Variants in STK3 observed in about 807,000 individuals in gnomAD.
STK3 encodes the protein serine/threonine-protein kinase 3.
STK3 carries 41 observed loss-of-function variants against 58.0 expected under a neutral mutation model. The observed-to-expected ratio is 0.71, with a 90% CI of 0.55 to 0.92. The LOEUF (loss-of-function observed/expected upper bound fraction) is 0.92, where lower values mean the gene tolerates loss of function less well. Among genes scored for constraint, STK3 ranks in the 40% least tolerant of loss-of-function variants. The pLI is 0.00. For missense variants in STK3, 479 were observed against 602.7 expected (o/e 0.79, Z 2.15); for synonymous variants, 170 against 191.0 (o/e 0.89, Z 0.91).
At chr8:98,908,943 G>A (rs1298036549) in intron 1 of STK3, among the ~76,000 whole-genome samples, 1 of 151,766 alleles carries the variant, frequency 6.6e-6, no homozygotes, top group African/African-American at 2.4e-5. Context: ...ATCACTTGAG[G>A]TCAGGAGTTC....
chr8:98,825,655 C>T lies in STK3; in HGVS notation c.-115G>A. On this transcript the variant is annotated 5_prime_UTR_variant, in exon 1 of 11. Coordinates refer to ENST00000419617, the MANE Select transcript of STK3 (RefSeq NM_006281.4). ...ACCACAGAGGGAAACTCTGGGAACTCGGACCAACTTTCCCGTAACTCCGCG... is the reference window on the plus strand; with the variant it reads ...ACCACAGAGGGAAACTCTGGGAACTTGGACCAACTTTCCCGTAACTCCGCG... The T allele has an allele frequency of 1.7e-6, 2 of 1,196,412 alleles. No individual in the cohort carries two copies. Among genetic ancestry groups the T allele is most frequent in the Non-Finnish European group, 2.1e-6 (2 of 953,414 alleles). 74.1% of individuals were successfully genotyped at this position (1,196,412 alleles called of 1,614,324 possible).
At chr8:98,551,666 C>T (rs1007359220) in intron 8 of STK3, among the ~76,000 whole-genome samples, 2 of 152,120 alleles carry the variant, frequency 1.3e-5, no homozygotes, top group African/African-American at 2.4e-5. Context: ...CACAGACTGG[C>T]GCACAAGGAT....
chr8:98,617,640 G>A (rs185274299), intron 6 of STK3, among the ~76,000 whole-genome samples: 3,572 of 151,868 alleles, frequency 0.024, 130 homozygotes, highest in African/African-American at 0.08. Context: ...TATCACCACC[G>A]ATCCCACAGA....
At chr8:98,423,136 T>G (rs1402767891) in intron 3 of STK3, among the ~76,000 whole-genome samples, 1 of 152,188 alleles carries the variant, frequency 6.6e-6, no homozygotes, top group Non-Finnish European at 1.5e-5. Flanking sequence ...GCCAAGACTC[T>G]GGCAGGCACA....
chr8:98,765,943 T>C (rs2131437222), intron 3 of STK3, among the ~76,000 whole-genome samples: 1 of 152,358 alleles, frequency 6.6e-6, no homozygotes, highest in African/African-American at 2.4e-5. Context: ...CTATCCAACC[T>C]CATTTCATTC....
chr8:98,406,521 C>A (rs1817994413), intron 3 of STK3, among the ~76,000 whole-genome samples: 1 of 152,140 alleles, frequency 6.6e-6, no homozygotes, highest in Admixed American at 6.5e-5. Flanking sequence ...ATTGTAATGT[C>A]TAGCTAGCAC....
chr8:98,657,280 T>C (rs1821623754), intron 6 of STK3, among the ~76,000 whole-genome samples: 1 of 152,016 alleles, frequency 6.6e-6, no homozygotes, highest in South Asian at 2.1e-4. Flanking sequence ...CAAACAACCC[T>C]TCGAGATAGT....
Position 98,596,015 on chromosome 8 carries a change from G to C in STK3, c.822+17C>G. ...GTATGAAGAAAATATCCTTCCCTTC[G>C]AGGCACAAGCACTGACCTGTAAAAG... On this transcript the variant is annotated intron_variant, in intron 7 of 10. Transcript: ENST00000419617. The C allele has an allele frequency of 6.2e-7, 1 of 1,601,998 alleles. No homozygotes were observed. The highest frequency in any genetic ancestry group is 1.7e-5 in the Admixed American group (1 of 59,606).
In STK3 at chr8:98,580,134, A is replaced by G. The variant is rs190934405; in HGVS notation, c.823-345T>C. Reference sequence around the variant, plus strand: ...TAGGATTACAGATTATATTACACATAGAAATAAACTTATTTTGGTACTGAG... The same window carrying G: ...TAGGATTACAGATTATATTACACATGGAAATAAACTTATTTTGGTACTGAG... On this transcript the variant is annotated intron_variant, in intron 7 of 10. Coordinates refer to ENST00000419617, the MANE Select transcript of STK3 (RefSeq NM_006281.4). Among the ~76,000 whole-genome samples, 534 of 152,338 alleles carry G rather than the reference A, an allele frequency of 3.5e-3. 1 individual carries two copies. Among genetic ancestry groups the G allele is most frequent in the Non-Finnish European group, 4.7e-3 (318 of 68,014 alleles).
chr8:98,695,740 G>A (rs189365361), intron 6 of STK3, among the ~76,000 whole-genome samples: 2,765 of 152,130 alleles, frequency 0.018, 101 homozygotes, highest in African/African-American at 0.062. Context: ...TGCTGTTTTG[G>A]TACCAGTACC....
At chr8:98,731,107 T>C (rs931696594) in intron 4 of STK3, among the ~76,000 whole-genome samples, 12 of 152,174 alleles carry the variant, frequency 7.9e-5, no homozygotes, top group African/African-American at 2.9e-4. Context: ...CCTAAGAGTA[T>C]GATAGCATAT....
intron 4 of STK3, among the ~76,000 whole-genome samples, chr8:98,731,348 C>T (rs1250978076): frequency 6.6e-6 from 1 of 152,046 alleles, no homozygotes; most frequent in African/African-American, 2.4e-5. Flanking sequence ...TCTGCCCCTG[C>T]TCCCATGTAC....
intron 10 of STK3, among the ~76,000 whole-genome samples, chr8:98,463,241 T>C (rs555505029): frequency 6.6e-6 from 1 of 152,170 alleles, no homozygotes; most frequent in African/African-American, 2.4e-5. Flanking sequence ...GTCAACACTT[T>C]GTTTGTAAAT....
Position 98,547,958 on chromosome 8 carries a change from A to G in STK3, c.1141+11T>C, listed in dbSNP as rs1011252371. On this transcript the variant is annotated intron_variant, in intron 9 of 10. Transcript: ENST00000419617. ...TAGAAAACTAATATTTAATGTAAAA[A>G]AGCCACATACTTTTCATAGTTCCAT... 11 of 1,539,334 alleles carry G rather than the reference A, an allele frequency of 7.1e-6. No homozygotes were observed. In the African/African-American group the frequency reaches 1.5e-4, roughly 22 times the overall value.
At chr8:98,550,111 T>C (rs1299719615) in intron 8 of STK3, among the ~76,000 whole-genome samples, 1 of 150,968 alleles carries the variant, frequency 6.6e-6, no homozygotes, top group Non-Finnish European at 1.5e-5. Context: ...ATAAGCAAAA[T>C]CTAGTTCTGG....
intron 3 of STK3, among the ~76,000 whole-genome samples, chr8:98,760,150 T>C (rs916702628): frequency 6.6e-5 from 10 of 152,306 alleles, no homozygotes; most frequent in African/African-American, 2.2e-4. Flanking sequence ...TTTTTATTTT[T>C]ATTTTTTAAG....
intron 8 of STK3, among the ~76,000 whole-genome samples, chr8:98,570,723 T>C (rs888525357): frequency 3.0e-4 from 46 of 152,160 alleles, no homozygotes; most frequent in African/African-American, 1.1e-3. Context: ...AGTAGTGGCA[T>C]TAATAAAAAC....
chr8:98,476,119 T>C (rs974405434), intron 10 of STK3, among the ~76,000 whole-genome samples: 1 of 152,206 alleles, frequency 6.6e-6, no homozygotes, highest in Non-Finnish European at 1.5e-5. Flanking sequence ...GAAGTTTGTA[T>C]TCAAAACATT....
intron 10 of STK3, among the ~76,000 whole-genome samples, chr8:98,499,816 A>G (rs1214900064): frequency 1.3e-5 from 2 of 152,190 alleles, no homozygotes; most frequent in Non-Finnish European, 2.9e-5. Flanking sequence ...GATGATTTGG[A>G]TGAGATCTTG....
Sources: allele counts gnomAD v4.1 joint callset (sites outside exome capture counted in the v4.1 genomes callset), GRCh38; gene constraint gnomAD v4.1.1; transcripts MANE v1.5; gene names NCBI Gene and HGNC (gene_info 2026-07-23, HGNC 2026-07-21).